The following KLHL5 variants were observed in gnomAD, a reference collection of about 807,000 sequenced individuals.
KLHL5 encodes the protein kelch like family member 5, also known as kelch-like protein 5.
KLHL5 carries 48 observed loss-of-function variants against 77.7 expected under a neutral mutation model. The ratio of observed to expected loss-of-function variants is 0.62; its 90% confidence interval spans 0.49 to 0.79. KLHL5 has a LOEUF of 0.79. KLHL5 is among the 30% of genes least tolerant of loss of function. KLHL5 has a pLI of 0.00. For missense variants in KLHL5, 723 were observed against 859.7 expected (o/e 0.84, Z 1.99); for synonymous variants, 260 against 297.0 (o/e 0.88, Z 1.28).
chr4:39,045,529 AC>A (rs1716115945), intron 1 of KLHL5, among the ~76,000 whole-genome samples: 2 of 151,296 alleles, frequency 1.3e-5, no homozygotes. Context: ...GGCAATTTTG[AC>A]CTAAGTTTTT....
In KLHL5 at chr4:39,103,387, T is replaced by C. The variant is rs772868199; in HGVS notation, c.1401T>C (p.Asp467=). The C allele has an allele frequency of 2.8e-5, 46 of 1,614,154 alleles. No individual in the cohort carries two copies. The highest frequency in any genetic ancestry group is 3.6e-5 in the Non-Finnish European group (42 of 1,179,998). The change falls in exon 7 of 11, where the codon GAT becomes GAC. Residue 467 remains aspartate, a synonymous_variant. Coordinates refer to ENST00000504108, the MANE Select transcript of KLHL5 (RefSeq NM_015990.5). ...RRLQFGVAVL[D]DKLYVVGGRD... ...TACAGTTCGGTGTTGCAGTGCTAGATGACAAACTGTATGTGGTTGGAGGAA... is the reference window on the plus strand; with the variant it reads ...TACAGTTCGGTGTTGCAGTGCTAGACGACAAACTGTATGTGGTTGGAGGAA...
intron 4 of KLHL5, among the ~76,000 whole-genome samples, chr4:39,083,239 A>T (rs1046378801): frequency 6.6e-6 from 1 of 152,238 alleles, no homozygotes; most frequent in Non-Finnish European, 1.5e-5. Context: ...TGTCTACTTC[A>T]TGAGCTTGGT....
At chr4:39,093,355 A>C (rs1477968655) in intron 5 of KLHL5, 2 of 454,198 alleles carry the variant, frequency 4.4e-6, no homozygotes, top group African/African-American at 4.0e-5. Context: ...AATGAGGATC[A>C]ACAGTAAATG....
intron 5 of KLHL5, among the ~76,000 whole-genome samples, chr4:39,087,839 T>C (rs1720190129): frequency 6.6e-6 from 1 of 152,190 alleles, no homozygotes; most frequent in Admixed American, 6.5e-5. Context: ...AATGTTCTCA[T>C]ATTTGCAGTT....
intron 10 of KLHL5, among the ~76,000 whole-genome samples, chr4:39,117,860 G>C (rs1419047096): frequency 1.3e-5 from 2 of 151,848 alleles, no homozygotes; most frequent in African/African-American, 2.4e-5. Context: ...GGATCTTTTG[G>C]GGCCAGGAGT....
At chr4:39,049,462 G>T (rs538344912) in intron 1 of KLHL5, among the ~76,000 whole-genome samples, 70 of 152,240 alleles carry the variant, frequency 4.6e-4, no homozygotes, top group African/African-American at 1.6e-3. Flanking sequence ...AAGGTGGGAG[G>T]ATTCTTCAGT....
At chr4:39,116,572 C>A (rs1722856236) in intron 10 of KLHL5, among the ~76,000 whole-genome samples, 1 of 151,966 alleles carries the variant, frequency 6.6e-6, no homozygotes, top group African/African-American at 2.4e-5. Context: ...GTGAATTGAT[C>A]CAATTCAAAA....
intron 5 of KLHL5, among the ~76,000 whole-genome samples, chr4:39,093,788 C>A (rs536720655): frequency 1.7e-4 from 26 of 152,062 alleles, no homozygotes; most frequent in Admixed American, 3.3e-4. Flanking sequence ...TGCCTGTAAT[C>A]CCAGCTACTG....
intron 7 of KLHL5, among the ~76,000 whole-genome samples, chr4:39,105,613 T>A (rs1186973904): frequency 6.6e-6 from 1 of 151,372 alleles, no homozygotes; most frequent in South Asian, 2.1e-4. Context: ...ATATTATATA[T>A]GTATATTTTA....
intron 1 of KLHL5, among the ~76,000 whole-genome samples, chr4:39,066,161 T>A (rs1717880442): frequency 6.6e-6 from 1 of 152,192 alleles, no homozygotes; most frequent in Non-Finnish European, 1.5e-5. Context: ...ACTTTGCTAT[T>A]AAAATACAAA....
chr4:39,104,941 T>C (rs1721905326), intron 7 of KLHL5, among the ~76,000 whole-genome samples: 3 of 152,094 alleles, frequency 2.0e-5, no homozygotes, highest in Admixed American at 1.3e-4. Context: ...AATTTTTGTA[T>C]TTCCAGTAGA....
chr4:39,133,237 A>G, the KLHL5 span, among the ~76,000 whole-genome samples: 3 of 152,176 alleles, frequency 2.0e-5, no homozygotes, highest in Admixed American at 1.3e-4. Context: ...CTGATACTGC[A>G]TAGTTAATGG....
At chr4:39,086,976 T>C (rs974991956) in intron 5 of KLHL5, among the ~76,000 whole-genome samples, 2 of 142,712 alleles carry the variant, frequency 1.4e-5, no homozygotes, top group African/African-American at 2.6e-5. Context: ...AGTGGCATGA[T>C]CTCAGGTCAC....
chr4:39,058,812 C>T (rs1717178551), upstream of KLHL5, among the ~76,000 whole-genome samples: 1 of 152,064 alleles, frequency 6.6e-6, no homozygotes, highest in Non-Finnish European at 1.5e-5. Flanking sequence ...TGAGCACCTA[C>T]TGTCTCCTAG....
At chr4:39,118,594 A>G (rs989548941) in intron 10 of KLHL5, among the ~76,000 whole-genome samples, 2 of 152,150 alleles carry the variant, frequency 1.3e-5, no homozygotes, top group Admixed American at 6.6e-5. Context: ...CATCTCTACT[A>G]AAAATACAAA....
intron 1 of KLHL5, among the ~76,000 whole-genome samples, chr4:39,069,535 CATATATATATATATATAT>C (rs60163692): frequency 0.79 from 108,074 of 136,442 alleles, 41,964 homozygotes; most frequent in Admixed American, 0.82. Flanking sequence ...ACTTTTTTAC[CATATATATATATATATAT>C]ATATATATAT....
chr4:39,115,082 A>G, intron 9 of KLHL5, 77 bp from the exon 10 acceptor site: 1 of 1,274,306 alleles, frequency 7.8e-7, no homozygotes, highest in Non-Finnish European at 1.1e-6. Context: ...GTCAGAAGAT[A>G]GACTTGAAGA....
chr4:39,082,784 T>TA (rs1353842235), intron 4 of KLHL5, among the ~76,000 whole-genome samples: 1 of 152,054 alleles, frequency 6.6e-6, no homozygotes, highest in Non-Finnish European at 1.5e-5. Flanking sequence ...ACTTAAAAGT[T>TA]AAAAAATGGA....
intron 5 of KLHL5, among the ~76,000 whole-genome samples, chr4:39,090,221 T>C (rs1310122701): frequency 6.6e-6 from 1 of 152,180 alleles, no homozygotes; most frequent in African/African-American, 2.4e-5. Context: ...ATTAGGTCTG[T>C]TTACCAAGAG....
Sources: allele counts gnomAD v4.1 joint callset (sites outside exome capture counted in the v4.1 genomes callset), GRCh38; gene constraint gnomAD v4.1.1; transcripts MANE v1.5; gene names NCBI Gene and HGNC (gene_info 2026-07-23, HGNC 2026-07-21).